Variants in PARD3 observed in about 807,000 individuals in gnomAD.
PARD3 encodes the protein partitioning defective 3 homolog.
In PARD3, 75 loss-of-function variants were observed where a neutral mutation model predicts 155.4. The ratio of observed to expected loss-of-function variants is 0.48; its 90% CI spans 0.40 to 0.58. The LOEUF (loss-of-function observed/expected upper bound fraction) is 0.58, where lower values mean the gene tolerates loss of function less well. Ranked by LOEUF, PARD3 falls within the 20% of genes least tolerant of loss-of-function variation. The probability of loss-of-function intolerance (pLI) is 0.00; values close to 1 mark genes in which losing one functional copy is unlikely to be tolerated. For missense variants in PARD3, 1,642 were observed against 1,721.7 expected (o/e 0.95, Z 0.82); for synonymous variants, 576 against 610.5 (o/e 0.94, Z 0.83).
At chr10:34,715,443 T>C (rs759966733) in intron 1 of PARD3, among the ~76,000 whole-genome samples, 3 of 152,170 alleles carry the variant, frequency 2.0e-5, no homozygotes, top group Non-Finnish European at 2.9e-5. Context: ...TATGACAAGA[T>C]ACAAGCCATG....
chr10:34,723,975 C>G (rs10218855), intron 1 of PARD3, among the ~76,000 whole-genome samples: 2,143 of 152,216 alleles, frequency 0.014, 46 homozygotes, highest in African/African-American at 0.049. Flanking sequence ...ATATTAAAAC[C>G]CAAAGCCACC....
intron 22 of PARD3, among the ~76,000 whole-genome samples, chr10:34,245,571 T>A (rs1953891462): frequency 6.5e-5 from 8 of 122,574 alleles, no homozygotes; most frequent in Admixed American, 5.1e-4. Context: ...GGGTAATACA[T>A]CCCTGAAACA....
At chr10:34,750,107 T>C (rs1835808298) in intron 1 of PARD3, among the ~76,000 whole-genome samples, 1 of 151,464 alleles carries the variant, frequency 6.6e-6, no homozygotes, top group African/African-American at 2.4e-5. Context: ...TAACAGAATT[T>C]GTGTTGTTTT....
chr10:34,129,373 G>A (rs1044854504), intron 23 of PARD3, among the ~76,000 whole-genome samples: 5 of 151,968 alleles, frequency 3.3e-5, no homozygotes, highest in Non-Finnish European at 5.9e-5. Context: ...GGCTGGTCTC[G>A]AACACCTGGC....
intron 2 of PARD3, among the ~76,000 whole-genome samples, chr10:34,591,053 C>T (rs1445331924): frequency 1.3e-5 from 2 of 152,080 alleles, no homozygotes; most frequent in Non-Finnish European, 2.9e-5. Context: ...CGGGAAGTAA[C>T]AGGGGAAAAC....
At chr10:34,581,375 C>CA (rs1378729741) in intron 2 of PARD3, among the ~76,000 whole-genome samples, 1 of 151,502 alleles carries the variant, frequency 6.6e-6, no homozygotes, top group Admixed American at 6.6e-5. Context: ...GCTGGGACTA[C>CA]AGGCACCTGC....
chr10:34,352,394 G>C (rs377056180), intron 14 of PARD3, among the ~76,000 whole-genome samples: 37 of 152,198 alleles, frequency 2.4e-4, no homozygotes, highest in East Asian at 1.2e-3. Flanking sequence ...CTCTGATGCC[G>C]AGCCGAGGCT....
intron 2 of PARD3, among the ~76,000 whole-genome samples, chr10:34,547,517 C>T (rs1379742960): frequency 6.6e-6 from 1 of 152,182 alleles, no homozygotes; most frequent in Non-Finnish European, 1.5e-5. Flanking sequence ...AGATTTATTA[C>T]GTTGAGTTAT....
chr10:34,333,399 C>T (rs931014923), intron 18 of PARD3, among the ~76,000 whole-genome samples: 11 of 151,950 alleles, frequency 7.2e-5, no homozygotes, highest in African/African-American at 2.2e-4. Context: ...AAGTATAATT[C>T]GATAAACGAT....
At chr10:34,511,358 T>C (rs755294723) in intron 3 of PARD3, among the ~76,000 whole-genome samples, 7 of 152,232 alleles carry the variant, frequency 4.6e-5, no homozygotes, top group African/African-American at 9.6e-5. Context: ...GTGACTGTCT[T>C]AGTTCATTTT....
At chr10:34,283,969 A>G (rs2799445) in intron 21 of PARD3, among the ~76,000 whole-genome samples, 166 bp downstream of exon 21, 1,984 of 150,860 alleles carry the variant, frequency 0.013, 42 homozygotes, top group African/African-American at 0.045. Context: ...TTTTTTTTAA[A>G]TCTCTCTTTA....
At chr10:34,168,927 T>C (rs1356523063) in intron 22 of PARD3, among the ~76,000 whole-genome samples, 1 of 152,220 alleles carries the variant, frequency 6.6e-6, no homozygotes, top group African/African-American at 2.4e-5. Context: ...CTATACTGGA[T>C]TGCACCAACG....
chr10:34,232,338 T>C (rs1446695601), intron 22 of PARD3, among the ~76,000 whole-genome samples: 1 of 152,086 alleles, frequency 6.6e-6, no homozygotes, highest in Non-Finnish European at 1.5e-5. Context: ...AAAGGGGAGC[T>C]TGAAAAGGTC....
At chr10:34,499,422 G>A (rs1321983630) in intron 3 of PARD3, among the ~76,000 whole-genome samples, 1 of 152,018 alleles carries the variant, frequency 6.6e-6, no homozygotes, top group Non-Finnish European at 1.5e-5. Context: ...ACCAGGTGAG[G>A]ATATAGACAC....
intron 5 of PARD3, among the ~76,000 whole-genome samples, chr10:34,422,867 T>C (rs1227309087): frequency 6.6e-6 from 1 of 152,064 alleles, no homozygotes; most frequent in African/African-American, 2.4e-5. Context: ...TGAAAAAGGG[T>C]ATAGGGGTTC....
chr10:34,735,004 C>A (rs1197182954), intron 1 of PARD3, among the ~76,000 whole-genome samples: 76 of 141,748 alleles, frequency 5.4e-4, no homozygotes, highest in South Asian at 1.5e-3. Flanking sequence ...AAAAAAAAAA[C>A]CCCAAGAGCA....
At chr10:34,389,066 T>C (rs1842626767) in intron 7 of PARD3, among the ~76,000 whole-genome samples, 1 of 152,058 alleles carries the variant, frequency 6.6e-6, no homozygotes, top group African/African-American at 2.4e-5. Flanking sequence ...CTGATGGAGC[T>C]GAAACATCCC....
intron 1 of PARD3, among the ~76,000 whole-genome samples, chr10:34,738,165 C>G (rs541503195): frequency 1.3e-5 from 2 of 152,308 alleles, no homozygotes; most frequent in South Asian, 4.1e-4. Context: ...TGCCCCACCA[C>G]CAAAGACAAA....
At chr10:34,398,993 T>TAAA (rs1165847832) in intron 7 of PARD3, among the ~76,000 whole-genome samples, 1 of 152,220 alleles carries the variant, frequency 6.6e-6, no homozygotes, top group Admixed American at 6.5e-5. Flanking sequence ...AAAGTGCTTT[T>TAAA]AAGCTCTCCT....
Sources: allele counts gnomAD v4.1 joint callset (sites outside exome capture counted in the v4.1 genomes callset), GRCh38; gene constraint gnomAD v4.1.1; transcripts MANE v1.5; gene names NCBI Gene and HGNC (gene_info 2026-07-23, HGNC 2026-07-21).